The following PRSS48 variants were observed in gnomAD, a reference collection of about 807,000 sequenced individuals.
PRSS48 encodes epidermis-specific serine protease-like protein.
A neutral mutation model predicts 25.6 loss-of-function variants in PRSS48; 21 were observed. The observed-to-expected ratio is 0.82, with a 90% confidence interval of 0.58 to 1.18. The LOEUF (loss-of-function observed/expected upper bound fraction) is 1.18. Ranked by LOEUF, PRSS48 falls within the 50% of genes most tolerant of loss-of-function variation. The pLI, the probability that PRSS48 is intolerant of heterozygous loss-of-function variation, is 0.00. For synonymous variants in PRSS48, 150 were observed against 149.3 expected, an observed-to-expected ratio of 1.00 and a Z score of -0.04; for missense variants, 373 against 399.3, an observed-to-expected ratio of 0.93 and a Z score of 0.56.
intron 2 of PRSS48, 38 bp from the exon 3 acceptor site, chr4:151,282,110 T>A: frequency 1.2e-6 from 2 of 1,606,944 alleles, no homozygotes; most frequent in Non-Finnish European, 1.7e-6. Flanking sequence ...CTGACCCAGC[T>A]GCAGGCCATA....
chr4:151,284,698 T>C (rs913966954), intron 4 of PRSS48, among the ~76,000 whole-genome samples: 3 of 152,208 alleles, frequency 2.0e-5, no homozygotes, highest in African/African-American at 4.8e-5. Context: ...ACAATGTCAA[T>C]AGCATGGTGT....
chr4:151,282,747 T>C (rs1774374421), intron 3 of PRSS48, among the ~76,000 whole-genome samples: 1 of 151,850 alleles, frequency 6.6e-6, no homozygotes, highest in Non-Finnish European at 1.5e-5. Flanking sequence ...AAGTTTTACG[T>C]CAACTCTTTC....
chr4:151,284,996 A>T (rs767413820), intron 4 of PRSS48, among the ~76,000 whole-genome samples: 8 of 151,976 alleles, frequency 5.3e-5, no homozygotes, highest in Non-Finnish European at 7.4e-5. Flanking sequence ...GTAGCTCTGA[A>T]CTCTATCCTC....
At chr4:151,285,396 T>C (rs1774647632) in intron 4 of PRSS48, among the ~76,000 whole-genome samples, 1 of 152,202 alleles carries the variant, frequency 6.6e-6, no homozygotes, top group African/African-American at 2.4e-5. Flanking sequence ...ATTAAAATTA[T>C]ACAAATTATA....
intron 4 of PRSS48, among the ~76,000 whole-genome samples, chr4:151,286,646 T>C (rs1261892360): frequency 6.7e-6 from 1 of 149,306 alleles, no homozygotes; most frequent in South Asian, 2.1e-4. Context: ...CAGGTCCAGA[T>C]AGAATTCATT....
intron 4 of PRSS48, among the ~76,000 whole-genome samples, chr4:151,287,871 C>A (rs150078328): frequency 3.8e-4 from 58 of 152,134 alleles, no homozygotes; most frequent in African/African-American, 1.3e-3. Context: ...CAAAGTGAGA[C>A]CCCTCTCTCT....
chr4:151,281,407 T>A (rs747002746), intron 2 of PRSS48, among the ~76,000 whole-genome samples: 47 of 152,166 alleles, frequency 3.1e-4, no homozygotes, highest in Non-Finnish European at 4.1e-4. Flanking sequence ...TAAATACTGA[T>A]CTAACGAAAA....
intron 2 of PRSS48, among the ~76,000 whole-genome samples, chr4:151,281,162 A>G (rs1191616754): frequency 2.0e-5 from 3 of 152,174 alleles, no homozygotes; most frequent in Non-Finnish European, 4.4e-5. Flanking sequence ...AGGGCTCCAA[A>G]AAAAAGATAG....
At chr4:151,284,967 G>C (rs1722809913) in intron 4 of PRSS48, among the ~76,000 whole-genome samples, 1 of 152,108 alleles carries the variant, frequency 6.6e-6, no homozygotes, top group African/African-American at 2.4e-5. Flanking sequence ...ATATTTCCCT[G>C]CACTTTCCAA....
chr4:151,286,184 G>GAAAAAAAAAAAAAAAAAAAAAAATAAA (rs56850648), intron 4 of PRSS48, among the ~76,000 whole-genome samples: 1 of 86,628 alleles, frequency 1.2e-5, no homozygotes, highest in Non-Finnish European at 2.0e-5. Context: ...CTGTCTTAAA[G>GAAAAAAAAAAAAAAAAAAAAAAATAAA]AAAAAAAAAA....
chr4:151,284,230 T>C lies in PRSS48; in HGVS notation c.651+944T>C, dbSNP rs147218867. Among the ~76,000 whole-genome samples the C allele has an allele frequency of 6.8e-3, 1,035 of 152,370 alleles. 14 individuals are homozygous for C. Among genetic ancestry groups the C allele is most frequent in the African/African-American group, 0.023 (971 of 41,598 alleles). On this transcript the variant is annotated intron_variant, in intron 4 of 4. Coordinates refer to ENST00000455694, the Ensembl canonical transcript of PRSS48. ...CATAAACTTGTTAAGTTATACCTTT[T>C]GGTATTTTCACACAAGTCCATTTTA...
chr4:151,282,231 C>T, exon 3 of PRSS48: 1 of 1,613,886 alleles, frequency 6.2e-7, no homozygotes, highest in Non-Finnish European at 8.5e-7. Context: ...TACTACGTGT[C>T]CAAAATCGTC....
At chr4:151,279,199 AAAG>A (rs1424846954) in intron 1 of PRSS48, 3 of 265,744 alleles carry the variant, frequency 1.1e-5, no homozygotes, top group Non-Finnish European at 2.2e-5. Flanking sequence ...CACACTAGAG[AAAG>A]AAGAGAAAGA....
At chr4:151,282,894 A>T (rs1396938504) in intron 3 of PRSS48, among the ~76,000 whole-genome samples, 1 of 152,142 alleles carries the variant, frequency 6.6e-6, no homozygotes, top group Non-Finnish European at 1.5e-5. Flanking sequence ...ATTTAGAACA[A>T]TGGCTCAATT....
At chr4:151,286,502 A>G (rs1774802142) in intron 4 of PRSS48, among the ~76,000 whole-genome samples, 1 of 151,722 alleles carries the variant, frequency 6.6e-6, no homozygotes, top group Non-Finnish European at 1.5e-5. Flanking sequence ...GATGATATGG[A>G]CAAATTCCTA....
intron 2 of PRSS48, among the ~76,000 whole-genome samples, chr4:151,281,876 G>A (rs1355586600): frequency 6.6e-6 from 1 of 152,030 alleles, no homozygotes; most frequent in African/African-American, 2.4e-5. Flanking sequence ...ATGGAGAATG[G>A]GAGAGGTAAA....
At chr4:151,282,804 A>G (rs1420899248) in intron 3 of PRSS48, among the ~76,000 whole-genome samples, 2 of 152,196 alleles carry the variant, frequency 1.3e-5, no homozygotes, top group Non-Finnish European at 2.9e-5. Context: ...GAAGCAAAAA[A>G]CATGGGAAAG....
exon 5 of PRSS48, chr4:151,291,381 T>A (rs773560623): frequency 6.2e-7 from 1 of 1,614,044 alleles, no homozygotes; most frequent in Non-Finnish European, 8.5e-7. Context: ...GAGTAGGCAC[T>A]GTAGCTGAAG....
At chr4:151,289,948 T>A (rs1396584054) in intron 4 of PRSS48, among the ~76,000 whole-genome samples, 1 of 152,108 alleles carries the variant, frequency 6.6e-6, no homozygotes, top group Non-Finnish European at 1.5e-5. Context: ...ACACAAGTGT[T>A]CACAGCAGCA....
Sources: gnomAD v4.1 joint callset for allele counts (sites outside exome capture counted in the v4.1 genomes callset) on GRCh38, gnomAD v4.1.1 for gene constraint, MANE v1.5 for transcripts, NCBI Gene and HGNC (gene_info 2026-07-23, HGNC 2026-07-21) for gene names.